KCNAB1: variants seen among roughly 807,000 people sequenced by gnomAD.
The protein encoded by KCNAB1 is voltage-gated potassium channel subunit beta-1.
Under a neutral mutation model 64.6 loss-of-function variants are expected in KCNAB1, and 35 were observed. That is an observed-to-expected ratio of 0.54 (90% CI 0.41 to 0.72). KCNAB1 has a LOEUF of 0.72. Ranked by LOEUF, KCNAB1 falls within the 30% of genes least tolerant of loss-of-function variation. The probability of loss-of-function intolerance (pLI) is 0.00; values close to 1 mark genes in which losing one functional copy is unlikely to be tolerated. For synonymous variants in KCNAB1, 177 were observed against 183.8 expected (o/e 0.96, Z 0.30); for missense variants, 401 against 512.9 (o/e 0.78, Z 2.11).
chr3:156,356,498 G>A (rs1295953241), intron 1 of KCNAB1, among the ~76,000 whole-genome samples: 2 of 152,070 alleles, frequency 1.3e-5, no homozygotes, highest in African/African-American at 2.4e-5. Context: ...AAAGAGGGGC[G>A]GTGACATCAG....
chr3:156,444,058 C>A (rs1717222051), intron 2 of KCNAB1, among the ~76,000 whole-genome samples: 1 of 152,134 alleles, frequency 6.6e-6, no homozygotes, highest in South Asian at 2.1e-4. Context: ...TAGCAACAGG[C>A]TAGAAGCCAA....
At chr3:156,362,199 T>C (rs1316386413) in intron 1 of KCNAB1, among the ~76,000 whole-genome samples, 1 of 152,234 alleles carries the variant, frequency 6.6e-6, no homozygotes, top group Non-Finnish European at 1.5e-5. Context: ...TGGCTGATTT[T>C]TCATTATTGA....
rs895087727 is a variant in KCNAB1, at chr3:156,538,081, C to T, written c.*1334C>T. The T allele has an allele frequency of 3.3e-5, 5 of 152,026 alleles. No individual in the cohort carries two copies. The highest frequency in any genetic ancestry group is 7.4e-5 in the Non-Finnish European group (5 of 68,016). 9.4% of individuals were successfully genotyped at this position (152,026 alleles called of 1,614,324 possible). ...ATTGGCTACTTACCCTCATTAATAT[C>T]CCACTTGAGAAAAATTGTGAGACTA... On this transcript the variant is annotated 3_prime_UTR_variant, in exon 14 of 14. Coordinates refer to ENST00000490337, the MANE Select transcript of KCNAB1 (RefSeq NM_172160.3).
At chr3:156,284,641 G>A (rs930069809) in intron 1 of KCNAB1, among the ~76,000 whole-genome samples, 2 of 152,150 alleles carry the variant, frequency 1.3e-5, no homozygotes, top group African/African-American at 2.4e-5. Context: ...TAGGACCCTC[G>A]GAGCCAGGTG....
intron 1 of KCNAB1, among the ~76,000 whole-genome samples, chr3:156,318,206 C>G (rs1434375899): frequency 6.6e-6 from 1 of 152,110 alleles, no homozygotes; most frequent in East Asian, 1.9e-4. Context: ...AAAGCCTTTG[C>G]TTTTTAATAT....
At chr3:156,309,966 C>T (rs114275228) in intron 1 of KCNAB1, among the ~76,000 whole-genome samples, 86 of 152,294 alleles carry the variant, frequency 5.6e-4, no homozygotes, top group African/African-American at 2.0e-3. Context: ...TAGTCCTGTG[C>T]GTTCTGTTCA....
intron 8 of KCNAB1, among the ~76,000 whole-genome samples, chr3:156,502,218 G>A (rs149312064): frequency 2.6e-3 from 392 of 152,180 alleles, no homozygotes; most frequent in South Asian, 5.0e-3. Flanking sequence ...GGGCCAAGAA[G>A]AGCCAAATGA....
chr3:156,245,499 T>C (rs1293754245), intron 1 of KCNAB1, among the ~76,000 whole-genome samples: 1 of 151,960 alleles, frequency 6.6e-6, no homozygotes, highest in African/African-American at 2.4e-5. Context: ...CATTTGTGTG[T>C]GTGCACGCGT....
chr3:156,221,829 G>A (rs1715783040), intron 1 of KCNAB1, among the ~76,000 whole-genome samples: 1 of 148,796 alleles, frequency 6.7e-6, no homozygotes, highest in African/African-American at 2.5e-5. Flanking sequence ...CTTCATAAAT[G>A]AAGGAAAGAC....
At chr3:156,175,784 C>A in intron 1 of KCNAB1, 1 of 582,804 alleles carries the variant, frequency 1.7e-6, no homozygotes, top group Non-Finnish European at 3.2e-6. Context: ...AGGGTGCTAG[C>A]CTGGGCAATA....
chr3:156,296,562 C>T (rs761103017), intron 1 of KCNAB1, among the ~76,000 whole-genome samples: 1 of 151,212 alleles, frequency 6.6e-6, no homozygotes, highest in African/African-American at 2.4e-5. Context: ...CAAGGTCCGC[C>T]TCCTGGGTTC....
chr3:156,158,766 C>T (rs912519989), intron 1 of KCNAB1, among the ~76,000 whole-genome samples: 1 of 152,208 alleles, frequency 6.6e-6, no homozygotes, highest in Non-Finnish European at 1.5e-5. Flanking sequence ...GCCTTCCTCT[C>T]GTCTGCAATG....
At chr3:156,293,915 C>T (rs560651057) in intron 1 of KCNAB1, among the ~76,000 whole-genome samples, 2 of 152,346 alleles carry the variant, frequency 1.3e-5, no homozygotes, top group African/African-American at 2.4e-5. Context: ...TCCCCAGGAA[C>T]AGGACCCTCC....
intron 1 of KCNAB1, chr3:156,176,520 C>T (rs1034679829): frequency 6.3e-6 from 5 of 798,960 alleles, no homozygotes; most frequent in Non-Finnish European, 1.1e-5. Flanking sequence ...ACAGTTTTAT[C>T]TGTGGATGCT....
chr3:156,245,251 G>A (rs893597314), intron 1 of KCNAB1, among the ~76,000 whole-genome samples: 3 of 151,982 alleles, frequency 2.0e-5, no homozygotes, highest in African/African-American at 7.3e-5. Context: ...AATTTTTATC[G>A]ACGTTATCCA....
intron 2 of KCNAB1, among the ~76,000 whole-genome samples, chr3:156,439,025 A>G (rs1380702037): frequency 1.2e-5 from 1 of 81,030 alleles, no homozygotes; most frequent in Admixed American, 1.5e-4. Context: ...AAAAAAACAA[A>G]AAACAAAAAA....
At chr3:156,437,681 A>G in intron 2 of KCNAB1, among the ~76,000 whole-genome samples, 1 of 152,158 alleles carries the variant, frequency 6.6e-6, no homozygotes, top group Admixed American at 6.5e-5. Context: ...ATTTGCTGCC[A>G]CTGGGATTTT....
intron 1 of KCNAB1, among the ~76,000 whole-genome samples, chr3:156,361,382 C>T (rs1400111008): frequency 1.3e-5 from 2 of 152,176 alleles, no homozygotes; most frequent in Non-Finnish European, 2.9e-5. Flanking sequence ...CCCATTCCTA[C>T]TCCACATACC....
chr3:156,488,496 G>A (rs763867879), intron 8 of KCNAB1, among the ~76,000 whole-genome samples: 1 of 152,090 alleles, frequency 6.6e-6, no homozygotes, highest in East Asian at 1.9e-4. Flanking sequence ...CATGTTTGAG[G>A]AACGTCAAGG....
Sources: allele counts gnomAD v4.1 joint callset (sites outside exome capture counted in the v4.1 genomes callset), GRCh38; gene constraint gnomAD v4.1.1; transcripts MANE v1.5; gene names NCBI Gene and HGNC (gene_info 2026-07-23, HGNC 2026-07-21).